Variants in ETNPPL observed in about 807,000 individuals in gnomAD.
The protein encoded by ETNPPL is ethanolamine-phosphate phospho-lyase.
A neutral mutation model predicts 55.5 loss-of-function variants in ETNPPL; 30 were observed. The ratio of observed to expected loss-of-function variants is 0.54; its 90% confidence interval spans 0.40 to 0.73. The LOEUF (loss-of-function observed/expected upper bound fraction) is 0.73. Among genes scored for constraint, ETNPPL ranks in the 30% least tolerant of loss-of-function variants. The pLI, the probability that ETNPPL is intolerant of heterozygous loss-of-function variation, is 0.00. For missense variants in ETNPPL, 528 were observed against 607.9 expected (o/e 0.87, Z 1.38); for synonymous variants, 202 against 207.2 (o/e 0.98, Z 0.21).
chr4:108,746,745 G>A lies in ETNPPL; in HGVS notation c.1172+17C>T, dbSNP rs367945642. On this transcript the variant is annotated intron_variant, in intron 10 of 12. Transcript: ENST00000296486. ...TGCAGCCAAGATACCAAACAGGTGG[G>A]TGTGGGGGTGAATTACTTGTAGATG... 6.2e-7 allele frequency: 1 copy of A among 1,608,756 alleles called. No homozygotes were observed. Among genetic ancestry groups the A allele is most frequent in the Non-Finnish European group, 8.5e-7 (1 of 1,175,132 alleles).
chr4:108,752,740 C>T (rs1437092510), intron 6 of ETNPPL, among the ~76,000 whole-genome samples, 155 bp downstream of exon 6: 6 of 152,156 alleles, frequency 3.9e-5, no homozygotes, highest in Non-Finnish European at 7.3e-5. Context: ...ATTGTAATAA[C>T]GCATTTTTGA....
chr4:108,747,124 TTATATA>T lies in ETNPPL; in HGVS notation c.1083-279_1083-274del, dbSNP rs373968611. 1.3e-4 allele frequency among the ~76,000 whole-genome samples: 6 copies of T among 45,012 alleles called. No homozygotes were observed. The East Asian group carries it at 2.3e-3, about 17-fold the overall frequency. 29.5% of individuals were successfully genotyped at this position (45,012 alleles called of 152,430 possible). On this transcript the variant is annotated intron_variant, in intron 9 of 12. Coordinates refer to ENST00000296486, the MANE Select transcript of ETNPPL (RefSeq NM_031279.4). Reference sequence around the variant, plus strand: ...ATGTTAATGATGATAAATGTTAACATTATATATATATATATATATATATAATATATA... The same window carrying T: ...ATGTTAATGATGATAAATGTTAACATTATATATATATATATATAATATATA...
At chr4:108,750,824 GC>G (rs1391766606) in intron 7 of ETNPPL, 111 bp downstream of exon 7, 5 of 791,288 alleles carry the variant, frequency 6.3e-6, no homozygotes, top group Non-Finnish European at 1.1e-5. Context: ...CTCAGGTGTG[GC>G]TATTTACCAG....
At position 108,751,021 on chromosome 4, in the gene ETNPPL, A is replaced by G. The variant is rs760200491; in HGVS notation, c.619-3T>C. Reference sequence around the variant, plus strand: ...GATTCAGCAATAAAGGCAGCAATCTATACAAGAGAAGATGGTGTCAAAGTC... The same window carrying G: ...GATTCAGCAATAAAGGCAGCAATCTGTACAAGAGAAGATGGTGTCAAAGTC... On this transcript the variant is annotated splice_polypyrimidine_tract_variant and splice_region_variant and intron_variant, in intron 6 of 12. Coordinates refer to ENST00000296486, the MANE Select transcript of ETNPPL (RefSeq NM_031279.4). 6.2e-7 allele frequency: 1 copy of G among 1,610,082 alleles called. No homozygotes were observed. Among genetic ancestry groups the G allele is most frequent in the Non-Finnish European group, 8.5e-7 (1 of 1,176,664 alleles).
intron 1 of ETNPPL, 102 bp from the exon 2 acceptor site, chr4:108,760,408 A>AGGAAAG (rs1729459771): frequency 1.7e-6 from 1 of 577,370 alleles, no homozygotes; most frequent in Admixed American, 2.5e-5. Flanking sequence ...AGTTACATAA[A>AGGAAAG]GGAAAGGGAA....
rs938348070 is a variant in ETNPPL at position 108,750,845 on chromosome 4, A to G, written c.701+91T>C. The G allele has an allele frequency of 8.3e-5, 79 of 953,774 alleles. No individual in the cohort carries two copies. In the African/African-American group the frequency reaches 1.1e-3, roughly 13 times the overall value. 59.1% of individuals were successfully genotyped at this position (953,774 alleles called of 1,614,324 possible). On this transcript the variant is annotated intron_variant, in intron 7 of 12. Coordinates refer to ENST00000296486, the MANE Select transcript of ETNPPL (RefSeq NM_031279.4). ...TGTGGCTATTTACCAGCTAATCAGGAATTATTTTAATATCTTAGCAACTAG... is the reference window on the plus strand; with the variant it reads ...TGTGGCTATTTACCAGCTAATCAGGGATTATTTTAATATCTTAGCAACTAG...
intron 2 of ETNPPL, 64 bp downstream of exon 2, chr4:108,760,124 T>C: frequency 8.0e-7 from 1 of 1,244,748 alleles, no homozygotes; most frequent in Non-Finnish European, 1.2e-6. Flanking sequence ...AAAAATTAAG[T>C]GTTCCAAGTC....
At chr4:108,752,805 T>C in intron 6 of ETNPPL, 90 bp downstream of exon 6, 2 of 769,182 alleles carry the variant, frequency 2.6e-6, no homozygotes. Context: ...ACATTAGATA[T>C]AATCCTTTTC....
At chr4:108,749,211 G>T in intron 8 of ETNPPL, 27 bp downstream of exon 8, 2 of 1,516,292 alleles carry the variant, frequency 1.3e-6, no homozygotes, top group Non-Finnish European at 1.8e-6. Flanking sequence ...TTCCTTCTTA[G>T]CATTAAAGTT....
At chr4:108,747,214 T>C (rs1379145841) in intron 9 of ETNPPL, among the ~76,000 whole-genome samples, 1 of 6,300 alleles carries the variant, frequency 1.6e-4, no homozygotes, top group Non-Finnish European at 2.2e-4. Flanking sequence ...ATATAATATA[T>C]ATATATATAT....
At chr4:108,753,805 A>AAAGAAAGAAGGAAAG (rs778871409) in intron 5 of ETNPPL, among the ~76,000 whole-genome samples, 1 of 117,494 alleles carries the variant, frequency 8.5e-6, no homozygotes, top group African/African-American at 3.4e-5. Flanking sequence ...AGAAAGAAAG[A>AAAGAAAGAAGGAAAG]AAAGAGAAGA....
Position 108,756,467 on chromosome 4 carries a change from G to GT in ETNPPL, c.360dup (p.Arg121ThrfsTer16), listed in dbSNP as rs1560658829. ...TGGCCTCTGAACTGCCGAGCCAGGC[G>GT]TAAGGCTAAGTCGTTGGCTTCGGAT... On this transcript the variant is annotated frameshift_variant, in exon 4 of 13. Transcript: ENST00000296486. LOFTEE classifies it high-confidence loss of function. The GT allele has an allele frequency of 1.2e-6, 2 of 1,613,868 alleles. No individual in the cohort carries two copies. Among genetic ancestry groups the GT allele is most frequent in the South Asian group, 1.1e-5 (1 of 91,076 alleles).
At chr4:108,743,356 T>TA (rs1315175053) in intron 12 of ETNPPL, among the ~76,000 whole-genome samples, 6 of 152,156 alleles carry the variant, frequency 3.9e-5, no homozygotes. Flanking sequence ...ATTCGAAGCT[T>TA]ACGCTTTAGT....
At position 108,746,423 on chromosome 4, in the gene ETNPPL, C is replaced by T. The variant is rs2125671052; in HGVS notation, c.1279G>A (p.Asp427Asn). 6.2e-7 allele frequency: 1 copy of T among 1,613,198 alleles called. No homozygotes were observed. The highest frequency in any genetic ancestry group is 1.1e-5 in the South Asian group (1 of 90,776). Residue 427 changes from aspartate (D) to asparagine (N), a missense_variant, in exon 11 of 13, where the codon GAC becomes AAC. Asp to Asn is a conservative substitution (Grantham distance 23). Transcript: ENST00000296486. ...CCTGTTAGAATCCTATCAAGTTGGT[C>T]CACCATGAACTTTGCATCTTCTTCA... ...FTEEDAKFMV[D>N]QLDRILTVLE...
In ETNPPL at chr4:108,759,840, G is replaced by A. The variant is rs769718668; in HGVS notation, c.244C>T (p.Arg82Ter). ...KQMELLNTNS[R>*]FLHDNIVEYA... The stretch of plus-strand genomic sequence containing the variant: ...TCAACAATGTTGTCGTGGAGGAATC[G>A]AGAATTTGTATTTAGCAGTTCCATC... The change falls in exon 3 of 13, where the codon CGA becomes TGA. Residue 82 changes from arginine (R) to a stop codon, truncating the protein, a stop_gained. Coordinates refer to ENST00000296486, the MANE Select transcript of ETNPPL (RefSeq NM_031279.4). LOFTEE classifies it high-confidence loss of function. 6.2e-7 allele frequency: 1 copy of A among 1,614,000 alleles called. No individual in the cohort carries two copies. Among genetic ancestry groups the A allele is most frequent in the African/African-American group, 1.3e-5 (1 of 74,922 alleles).
At chr4:108,761,272 A>G (rs1455417233) in intron 1 of ETNPPL, among the ~76,000 whole-genome samples, 1 of 152,218 alleles carries the variant, frequency 6.6e-6, no homozygotes, top group Non-Finnish European at 1.5e-5. Context: ...CATTGGAGGT[A>G]GTTCTAGTAG....
chr4:108,747,910 A>C (rs1308588544), intron 9 of ETNPPL, 95 bp downstream of exon 9: 1 of 1,064,496 alleles, frequency 9.4e-7, no homozygotes, highest in African/African-American at 1.7e-5. Context: ...TTGTAGTTTT[A>C]ATAGAGACGG....
rs1491395301 is a variant in ETNPPL at position 108,747,165 on chromosome 4, T to TTC, written c.1083-315_1083-314insGA. Among the ~76,000 whole-genome samples the TTC allele has an allele frequency of 1.1e-3, 14 of 12,734 alleles. 3 individuals carry two copies. Among genetic ancestry groups the TTC allele is most frequent in the African/African-American group, 0.01 (14 of 1,334 alleles). 8.4% of individuals were successfully genotyped at this position (12,734 alleles called of 152,430 possible). A position where few individuals can be genotyped will look rare whatever the true frequency, so the allele number is the denominator to read the frequency against. ...ATATATATAATATATATATATATAT[T>TTC]ATATATATATATATAATATATATAT... On this transcript the variant is annotated intron_variant, in intron 9 of 12. Coordinates refer to ENST00000296486, the MANE Select transcript of ETNPPL (RefSeq NM_031279.4).
chr4:108,756,847 C>A (rs1265812721), intron 3 of ETNPPL, among the ~76,000 whole-genome samples: 1 of 151,978 alleles, frequency 6.6e-6, no homozygotes, highest in African/African-American at 2.4e-5. Flanking sequence ...CAAAAAAAAA[C>A]ATTTAGGATG....
Sources: allele counts gnomAD v4.1 joint callset (sites outside exome capture counted in the v4.1 genomes callset), GRCh38; gene constraint gnomAD v4.1.1; transcripts MANE v1.5; gene names NCBI Gene and HGNC (gene_info 2026-07-23, HGNC 2026-07-21).